The following CHD6 variants were observed in gnomAD, a reference collection of about 807,000 sequenced individuals.
CHD6 encodes the protein chromodomain helicase DNA binding protein 6, also known as ATP-dependent chromatin remodeler CHD6.
Under a neutral mutation model 276.9 loss-of-function variants are expected in CHD6, and 50 were observed. The observed-to-expected ratio is 0.18, with a 90% CI of 0.14 to 0.23. The LOEUF (loss-of-function observed/expected upper bound fraction) is 0.23, where lower values mean the gene tolerates loss of function less well. Among genes scored for constraint, CHD6 ranks in the 10% least tolerant of loss-of-function variants. The probability of loss-of-function intolerance (pLI) is 1.00; values close to 1 mark genes in which losing one functional copy is unlikely to be tolerated. For missense variants in CHD6, 2,564 were observed against 3,365.8 expected (o/e 0.76, Z 5.89); for synonymous variants, 1,173 against 1,229.3 (o/e 0.95, Z 0.96).
chr20:41,585,234 T>C (rs1038420977), intron 1 of CHD6, among the ~76,000 whole-genome samples: 12 of 152,156 alleles, frequency 7.9e-5, no homozygotes, highest in African/African-American at 2.7e-4. Context: ...CCAGGTGTGG[T>C]GGCTCACGCC....
chr20:41,595,179 G>A (rs1396820686), intron 1 of CHD6, among the ~76,000 whole-genome samples: 1 of 152,180 alleles, frequency 6.6e-6, no homozygotes, highest in Non-Finnish European at 1.5e-5. Flanking sequence ...AACGCAGGAG[G>A]AAAGGGCCTA....
At chr20:41,535,527 G>T (rs1568685414) in intron 2 of CHD6, among the ~76,000 whole-genome samples, 2 of 152,124 alleles carry the variant, frequency 1.3e-5, no homozygotes, top group Non-Finnish European at 2.9e-5. Context: ...TACAATGATT[G>T]CTAGGCCATG....
chr20:41,585,481 C>T (rs1249690409), intron 1 of CHD6, among the ~76,000 whole-genome samples: 1 of 145,548 alleles, frequency 6.9e-6, no homozygotes, highest in East Asian at 2.0e-4. Context: ...GCACTCCAGC[C>T]TTGGCAACAA....
At position 41,415,350 on chromosome 20, in the gene CHD6, T is replaced by C; in HGVS notation, c.6775A>G (p.Ile2259Val). 6.2e-7 allele frequency: 1 copy of C among 1,614,064 alleles called. No individual in the cohort carries two copies. Among genetic ancestry groups the C allele is most frequent in the South Asian group, 1.1e-5 (1 of 91,078 alleles). ...QGALGMDLSGILQAGLIHPVT... is the reference protein window; with the variant it reads ...QGALGMDLSGVLQAGLIHPVT... ...GGATGGATCAGGCCAGCTTGCAGAATCCCAGACAAGTCCATGCCAAGGGCT... is the reference window on the plus strand; with the variant it reads ...GGATGGATCAGGCCAGCTTGCAGAACCCCAGACAAGTCCATGCCAAGGGCT... Residue 2259 changes from isoleucine to valine, a missense_variant, in exon 34 of 37, where the codon ATT becomes GTT. By Grantham distance (29) the Ile-to-Val change is conservative (BLOSUM62 3). Coordinates refer to ENST00000373233, the MANE Select transcript of CHD6 (RefSeq NM_032221.5).
chr20:41,405,571 C>T, intron 36 of CHD6, 82 bp from the exon 37 acceptor site: 2 of 1,066,056 alleles, frequency 1.9e-6, no homozygotes, highest in Non-Finnish European at 1.4e-6. Context: ...GGGCTCTGCA[C>T]TGGCCTGGCC....
At chr20:41,504,692 C>T (rs996555627) in intron 5 of CHD6, among the ~76,000 whole-genome samples, 1 of 152,022 alleles carries the variant, frequency 6.6e-6, no homozygotes, top group Admixed American at 6.5e-5. Context: ...ATTATAGGCA[C>T]GAGCCACTGT....
chr20:41,453,953 C>A (rs1187054952), intron 20 of CHD6, among the ~76,000 whole-genome samples: 1 of 152,116 alleles, frequency 6.6e-6, no homozygotes, highest in African/African-American at 2.4e-5. Context: ...TCAATACTCA[C>A]CTGAGAAGAC....
chr20:41,536,524 A>G (rs1412409697), intron 2 of CHD6, among the ~76,000 whole-genome samples: 1 of 152,220 alleles, frequency 6.6e-6, no homozygotes, highest in Non-Finnish European at 1.5e-5. Flanking sequence ...AACCTTTAAC[A>G]ATTATTCAAG....
chr20:41,585,192 T>C (rs1399076857), intron 1 of CHD6, among the ~76,000 whole-genome samples: 8 of 152,174 alleles, frequency 5.3e-5, no homozygotes, highest in South Asian at 2.1e-4. Flanking sequence ...AAGTGAAAGC[T>C]ACCGAAGCTC....
intron 1 of CHD6, among the ~76,000 whole-genome samples, chr20:41,553,430 A>AT (rs547147470): frequency 3.4e-4 from 52 of 152,346 alleles, no homozygotes; most frequent in Non-Finnish European, 6.2e-4. Flanking sequence ...GTTCCAGCTC[A>AT]TAGCCTATGC....
Position 41,450,936 on chromosome 20 carries a change from G to A in CHD6, c.3683+10C>T. The stretch of plus-strand genomic sequence containing the variant: ...GCTGCCACCAGGGTATGGGGAGGAG[G>A]GACACTCACTTGTTGCAGTGCTGTT... On this transcript the variant is annotated intron_variant, in intron 23 of 36. Transcript: ENST00000373233. The A allele has an allele frequency of 6.2e-7, 1 of 1,606,430 alleles. No homozygotes were observed. The highest frequency in any genetic ancestry group is 8.5e-7 in the Non-Finnish European group (1 of 1,174,788).
chr20:41,466,028 C>A (rs1264153822), intron 17 of CHD6, among the ~76,000 whole-genome samples: 1 of 152,076 alleles, frequency 6.6e-6, no homozygotes, highest in Non-Finnish European at 1.5e-5. Flanking sequence ...CATGGTGAAA[C>A]CCTGTCTCTA....
intron 17 of CHD6, 68 bp from the exon 18 acceptor site, chr20:41,457,496 G>T: frequency 3.9e-6 from 6 of 1,541,864 alleles, no homozygotes; most frequent in Non-Finnish European, 5.3e-6. Flanking sequence ...CTGGGAATAG[G>T]GGAGTGCTTA....
Position 41,514,902 on chromosome 20 carries a change from T to C in CHD6, c.605A>G (p.Lys202Arg). Reference sequence around the variant, plus strand: ...TAAACTCTCCACTGTAGTTTCACTTTTCCTTTTTCCTTTCTTCTTTTTCTC... The same window carrying C: ...TAAACTCTCCACTGTAGTTTCACTTCTCCTTTTTCCTTTCTTCTTTTTCTC... ...PVEKKKKGKRKSETTVESLEL... is the reference protein window; with the variant it reads ...PVEKKKKGKRRSETTVESLEL... The change falls in exon 4 of 37, where the codon AAA becomes AGA. Residue 202 changes from lysine to arginine, a missense_variant. Coordinates refer to ENST00000373233, the MANE Select transcript of CHD6 (RefSeq NM_032221.5). 6.2e-7 allele frequency: 1 copy of C among 1,613,962 alleles called. No homozygotes were observed. The highest frequency in any genetic ancestry group is 2.2e-5 in the East Asian group (1 of 44,876).
At chr20:41,424,836 C>G (rs2047310170) in intron 29 of CHD6, among the ~76,000 whole-genome samples, 1 of 152,298 alleles carries the variant, frequency 6.6e-6, no homozygotes, top group African/African-American at 2.4e-5. Flanking sequence ...GCATACTGTT[C>G]CCTTTGTTAC....
chr20:41,495,043 TA>T (rs11317496), intron 8 of CHD6, among the ~76,000 whole-genome samples: 71,932 of 148,680 alleles, frequency 0.48, 19,880 homozygotes, highest in African/African-American at 0.76. Context: ...CTATCTGGGT[TA>T]AAAAAAAAAA....
chr20:41,504,099 A>AAAAAAAAAAAAC (rs2043913827), intron 5 of CHD6, among the ~76,000 whole-genome samples: 1 of 149,576 alleles, frequency 6.7e-6, no homozygotes, highest in Non-Finnish European at 1.5e-5. Context: ...AAAAAAAAAA[A>AAAAAAAAAAAAC]AAAAAGAAAT....
chr20:41,409,823 A>G (rs923387822), intron 36 of CHD6, among the ~76,000 whole-genome samples: 160 of 152,216 alleles, frequency 1.1e-3, no homozygotes, highest in Non-Finnish European at 2.6e-4. Flanking sequence ...GTGATATGTC[A>G]TGTCTGCAAT....
At chr20:41,471,725 C>T (rs527795009) in intron 17 of CHD6, among the ~76,000 whole-genome samples, 1 of 151,716 alleles carries the variant, frequency 6.6e-6, no homozygotes, top group Non-Finnish European at 1.5e-5. Flanking sequence ...TTAGTAGAGA[C>T]GGGGTTTCAC....
Sources: allele counts gnomAD v4.1 joint callset (sites outside exome capture counted in the v4.1 genomes callset), GRCh38; gene constraint gnomAD v4.1.1; transcripts MANE v1.5; gene names NCBI Gene and HGNC (gene_info 2026-07-23, HGNC 2026-07-21).